Variants in SERPINA6 observed in about 807,000 individuals in gnomAD.
The protein encoded by SERPINA6 is corticosteroid-binding globulin.
In SERPINA6, 19 loss-of-function variants were observed where a neutral mutation model predicts 26.4. That is an observed-to-expected ratio of 0.72 (90% CI 0.50 to 1.06). SERPINA6 has a LOEUF of 1.06. Ranked by LOEUF, SERPINA6 falls within the 50% of genes least tolerant of loss-of-function variation. SERPINA6 has a pLI of 0.00. For missense variants in SERPINA6, 473 were observed against 504.0 expected (o/e 0.94, Z 0.59); for synonymous variants, 196 against 199.4 (o/e 0.98, Z 0.14).
intron 2 of SERPINA6, among the ~76,000 whole-genome samples, chr14:94,311,525 T>C (rs1440340767): frequency 1.3e-5 from 2 of 152,032 alleles, no homozygotes; most frequent in Non-Finnish European, 2.9e-5. Flanking sequence ...TCTAGGAGAA[T>C]TGGTGGTAGA....
In SERPINA6 at chr14:94,314,139, G is replaced by A. The variant is rs747165750; in HGVS notation, c.510C>T (p.Ile170=). ...GTGTCTTATTCTTGACATAGCTGTT[G>A]ATCTGTCTGCTGGCTGTTGCCCAGT... ...FQDWATASRQ[I]NSYVKNKTQG... Residue 170 remains isoleucine (I), a synonymous_variant, in exon 2 of 5, where the codon ATC becomes ATT. Transcript: ENST00000341584. 8 of 1,614,180 alleles carry A rather than the reference G, an allele frequency of 5.0e-6. No individual in the cohort carries two copies. The highest frequency in any genetic ancestry group is 6.8e-6 in the Non-Finnish European group (8 of 1,180,036).
At chr14:94,319,721 T>C (rs185222386) in intron 1 of SERPINA6, among the ~76,000 whole-genome samples, 27 of 152,042 alleles carry the variant, frequency 1.8e-4, no homozygotes, top group African/African-American at 4.8e-4. Flanking sequence ...AAAGGACAAA[T>C]AGAGTCTAAT....
Position 94,305,971 on chromosome 14 carries a change from A to G in SERPINA6, c.1032+100T>C, listed in dbSNP as rs148048666. 4,374 of 1,386,460 alleles carry G rather than the reference A, an allele frequency of 3.2e-3. 10 individuals are homozygous for G. The highest frequency in any genetic ancestry group is 4.0e-3 in the Non-Finnish European group (3,947 of 982,324). 85.9% of individuals were successfully genotyped at this position (1,386,460 alleles called of 1,614,324 possible). A position where few individuals can be genotyped will look rare whatever the true frequency, so the allele number is the denominator to read the frequency against. On this transcript the variant is annotated intron_variant, in intron 4 of 4. Transcript: ENST00000341584. ...ACCTGGGGTTCTCAGCCAGGGACCT[A>G]GAGGCTCATTCATGAACGAACTCAG...
At chr14:94,318,545 A>T (rs1895642303) in intron 1 of SERPINA6, among the ~76,000 whole-genome samples, 3 of 152,214 alleles carry the variant, frequency 2.0e-5, no homozygotes, top group South Asian at 4.1e-4. Flanking sequence ...TTTGACAAGG[A>T]TGCCAGACCA....
intron 3 of SERPINA6, among the ~76,000 whole-genome samples, chr14:94,307,397 G>T (rs1162498711): frequency 6.6e-6 from 1 of 152,236 alleles, no homozygotes; most frequent in African/African-American, 2.4e-5. Flanking sequence ...TTTGCCATCT[G>T]CCGCCTGCTG....
At chr14:94,311,403 T>C (rs961604555) in intron 2 of SERPINA6, among the ~76,000 whole-genome samples, 3 of 152,226 alleles carry the variant, frequency 2.0e-5, no homozygotes, top group Non-Finnish European at 4.4e-5. Flanking sequence ...TGCTGCTTGC[T>C]TTTTATGGAG....
At chr14:94,306,721 G>A (rs1426823292) in intron 3 of SERPINA6, among the ~76,000 whole-genome samples, 1 of 152,186 alleles carries the variant, frequency 6.6e-6, no homozygotes, top group Non-Finnish European at 1.5e-5. Flanking sequence ...CTCTCCCAGG[G>A]CAGGTGGGTG....
intron 4 of SERPINA6, 80 bp downstream of exon 4, chr14:94,305,991 A>G: frequency 6.5e-7 from 1 of 1,548,404 alleles, no homozygotes; most frequent in South Asian, 1.1e-5. Flanking sequence ...TCATGAACGA[A>G]CTCAGTGCCA....
chr14:94,319,040 G>A (rs76571932), intron 1 of SERPINA6, among the ~76,000 whole-genome samples: 2,148 of 152,270 alleles, frequency 0.014, 48 homozygotes, highest in African/African-American at 0.049. Flanking sequence ...CATACAAATG[G>A]CCAGTAAGCA....
chr14:94,319,256 C>A (rs1170584012), intron 1 of SERPINA6, among the ~76,000 whole-genome samples: 1 of 152,092 alleles, frequency 6.6e-6, no homozygotes, highest in Non-Finnish European at 1.5e-5. Context: ...AGTTTGAGAC[C>A]AGCCTAGGTA....
In SERPINA6 at chr14:94,304,514, A is replaced by G. The variant is rs747673859; in HGVS notation, c.1122T>C (p.Pro374=). 1.2e-6 allele frequency: 2 copies of G among 1,614,144 alleles called. No homozygotes were observed. The highest frequency in any genetic ancestry group is 1.7e-6 in the Non-Finnish European group (2 of 1,180,020). ...AGGGCTGGTTGAAACGCAAGATGAT[A>G]GGCTTGGACGTCAGGTTTAGGGTGA... ...TGVTLNLTSK[P]IILRFNQPFI... The change falls in exon 5 of 5, where the codon CCT becomes CCC. Residue 374 remains proline (P), a synonymous_variant. Coordinates refer to ENST00000341584, the MANE Select transcript of SERPINA6 (RefSeq NM_001756.4).
intron 3 of SERPINA6, among the ~76,000 whole-genome samples, chr14:94,306,837 C>T (rs548465488): frequency 2.6e-5 from 4 of 152,210 alleles, no homozygotes; most frequent in South Asian, 2.1e-4. Flanking sequence ...AGGGGCAGCA[C>T]GGGCATCTAC....
rs2228542 is a variant in SERPINA6, at chr14:94,309,882, C to T, written c.738G>A (p.Ser246=). The part of the protein sequence containing the change: ...QSSTISYLHD[S]ELPCQLVQMN... ...TCTGCACCAGCTGGCAGGGGAGCTCCGAGTCATGAAGGTAACTGATGGTGC... is the reference window on the plus strand; with the variant it reads ...TCTGCACCAGCTGGCAGGGGAGCTCTGAGTCATGAAGGTAACTGATGGTGC... The change falls in exon 3 of 5, where the codon TCG becomes TCA. Residue 246 remains serine (S), a synonymous_variant. Coordinates refer to ENST00000341584, the MANE Select transcript of SERPINA6 (RefSeq NM_001756.4). 412,811 of 1,613,854 alleles carry T rather than the reference C, an allele frequency of 0.26. 55,189 individuals are homozygous for T. Among genetic ancestry groups the T allele is most frequent in the Non-Finnish European group, 0.28 (327,315 of 1,179,904 alleles).
At chr14:94,315,789 T>C (rs921628065) in intron 1 of SERPINA6, among the ~76,000 whole-genome samples, 1 of 152,228 alleles carries the variant, frequency 6.6e-6, no homozygotes, top group African/African-American at 2.4e-5. Context: ...AGCAAGAAGA[T>C]ATAACATTTT....
intron 2 of SERPINA6, among the ~76,000 whole-genome samples, chr14:94,311,803 C>G (rs1328928286): frequency 6.6e-6 from 1 of 152,018 alleles, no homozygotes; most frequent in Non-Finnish European, 1.5e-5. Flanking sequence ...AAAAAATTAG[C>G]CGGGTGTCAT....
At chr14:94,320,452 C>G (rs1434831072) in intron 1 of SERPINA6, among the ~76,000 whole-genome samples, 1 of 152,208 alleles carries the variant, frequency 6.6e-6, no homozygotes, top group Non-Finnish European at 1.5e-5. Context: ...GAGCTGTAAC[C>G]TATCAGCCTA....
chr14:94,306,355 C>A, intron 3 of SERPINA6, 137 bp from the exon 4 acceptor site: 1 of 891,790 alleles, frequency 1.1e-6, no homozygotes, highest in South Asian at 1.5e-5. Context: ...CTGACTTGCT[C>A]TTTGTGGGTA....
intron 1 of SERPINA6, among the ~76,000 whole-genome samples, chr14:94,319,677 A>G (rs759693122): frequency 5.9e-5 from 9 of 152,248 alleles, no homozygotes; most frequent in Non-Finnish European, 4.4e-5. Flanking sequence ...ATGAACCTGG[A>G]AGACATTATG....
intron 2 of SERPINA6, 97 bp downstream of exon 2, chr14:94,313,939 G>A: frequency 7.7e-7 from 1 of 1,298,614 alleles, no homozygotes; most frequent in Non-Finnish European, 1.1e-6. Context: ...GTGCTTTACA[G>A]AATCAAAGAC....
Sources: allele counts gnomAD v4.1 joint callset (sites outside exome capture counted in the v4.1 genomes callset), GRCh38; gene constraint gnomAD v4.1.1; transcripts MANE v1.5; gene names NCBI Gene and HGNC (gene_info 2026-07-23, HGNC 2026-07-21).